TLCD4: variants seen among roughly 807,000 people sequenced by gnomAD.
The protein encoded by TLCD4 is TLC domain-containing protein 4.
A neutral mutation model predicts 24.2 loss-of-function variants in TLCD4; 7 were observed. That is an observed-to-expected ratio of 0.29 (90% confidence interval 0.16 to 0.54). The LOEUF is 0.54. Among genes scored for constraint, TLCD4 ranks in the 20% least tolerant of loss-of-function variants. TLCD4 has a pLI of 0.95. For missense variants in TLCD4, 259 were observed against 313.9 expected (o/e 0.82, Z 1.32); for synonymous variants, 103 against 106.4 (o/e 0.97, Z 0.20).
chr1:95,169,831 C>T (rs1678146560), intron 5 of TLCD4, among the ~76,000 whole-genome samples: 1 of 152,106 alleles, frequency 6.6e-6, no homozygotes, highest in African/African-American at 2.4e-5. Context: ...TACAGGTGTG[C>T]ACCATTGCGC....
the TLCD4 span, among the ~76,000 whole-genome samples, chr1:95,102,975 TA>T: frequency 6.5e-5 from 9 of 137,430 alleles, no homozygotes; most frequent in African/African-American, 1.5e-4. Context: ...AACTACTTTT[TA>T]AAAAAAAAAT....
At chr1:95,118,796 A>C (rs1325383141) in intron 1 of TLCD4, among the ~76,000 whole-genome samples, 1 of 152,200 alleles carries the variant, frequency 6.6e-6, no homozygotes, top group Non-Finnish European at 1.5e-5. Context: ...TTTTCCTTAA[A>C]TTGGGCGAAA....
Position 95,196,817 on chromosome 1 carries a change from A to T in TLCD4, c.*4949A>T, listed in dbSNP as rs1679219416. The T allele has an allele frequency of 6.6e-6, 1 of 152,220 alleles. No homozygotes were observed. The allele number at this position is 152,220 out of a possible 1,614,324, so 9.4% of individuals were successfully genotyped here. ...TGCTACTTAACAAGCCTAAAGGTAT[A>T]GCTGTATATAGAATGTGCTCTGTGT... On this transcript the variant is annotated 3_prime_UTR_variant, in exon 7 of 7. Coordinates refer to ENST00000370203, the MANE Select transcript of TLCD4 (RefSeq NM_152487.3).
At chr1:95,175,491 G>A (rs991141775) in intron 6 of TLCD4, among the ~76,000 whole-genome samples, 8 of 152,200 alleles carry the variant, frequency 5.3e-5, no homozygotes, top group African/African-American at 1.9e-4. Flanking sequence ...ATGCTGAAAT[G>A]GACATGGGCA....
At chr1:95,157,084 A>G (rs1028547835) in intron 5 of TLCD4, among the ~76,000 whole-genome samples, 2 of 152,140 alleles carry the variant, frequency 1.3e-5, no homozygotes, top group African/African-American at 4.8e-5. Flanking sequence ...AGCTGAGATA[A>G]ATAATGTTTT....
At chr1:95,172,286 G>A (rs1678256998) in intron 5 of TLCD4, among the ~76,000 whole-genome samples, 1 of 152,172 alleles carries the variant, frequency 6.6e-6, no homozygotes, top group Middle Eastern at 3.2e-3. Flanking sequence ...AGACAGGCAA[G>A]CACATCTAAA....
At chr1:95,164,323 G>T (rs907803029) in intron 5 of TLCD4, 3 of 152,506 alleles carry the variant, frequency 2.0e-5, no homozygotes, top group Non-Finnish European at 2.9e-5. Context: ...TAATCTCCTG[G>T]TGTGCTGTTT....
chr1:95,173,818 A>G lies in TLCD4; in HGVS notation c.402A>G (p.Lys134=). 1 of 1,614,110 alleles carries G rather than the reference A, an allele frequency of 6.2e-7. No individual in the cohort carries two copies. The highest frequency in any genetic ancestry group is 8.5e-7 in the Non-Finnish European group (1 of 1,180,022). The stretch of plus-strand genomic sequence containing the variant: ...TGTGTTTTATGTTTATCATTCAGAA[A>G]AATGGAGTGCTGGCATACATTGGGA... ...ASLYAYYLVL[K]NGVLAYIGNF... The change falls in exon 6 of 7, where the codon AAA becomes AAG. Residue 134 remains lysine, a splice_region_variant and synonymous_variant. Coordinates refer to ENST00000370203, the MANE Select transcript of TLCD4 (RefSeq NM_152487.3).
chr1:95,167,708 A>G (rs561991109), intron 5 of TLCD4, among the ~76,000 whole-genome samples: 76 of 152,318 alleles, frequency 5.0e-4, no homozygotes, highest in Non-Finnish European at 9.8e-4. Flanking sequence ...TTGCTCTCCC[A>G]GGATCGATTG....
intron 6 of TLCD4, among the ~76,000 whole-genome samples, chr1:95,186,827 CTACA>C (rs1678845880): frequency 6.6e-6 from 1 of 152,100 alleles, no homozygotes; most frequent in African/African-American, 2.4e-5. Flanking sequence ...CCCTTTTATC[CTACA>C]TAAACTTATA....
At chr1:95,128,134 T>G (rs1420766068) in intron 1 of TLCD4, among the ~76,000 whole-genome samples, 1 of 152,044 alleles carries the variant, frequency 6.6e-6, no homozygotes, top group African/African-American at 2.4e-5. Context: ...GGGAGCAACA[T>G]TTGTCACGTA....
At chr1:95,096,096 A>G in the TLCD4 span, among the ~76,000 whole-genome samples, 2 of 152,246 alleles carry the variant, frequency 1.3e-5, no homozygotes, top group African/African-American at 2.4e-5. Context: ...CAGAAGGTAC[A>G]CTAACAGCAG....
chr1:95,142,620 T>A (rs1167025875), intron 1 of TLCD4, among the ~76,000 whole-genome samples: 1 of 152,106 alleles, frequency 6.6e-6, no homozygotes, highest in Non-Finnish European at 1.5e-5. Flanking sequence ...GGTTTCCCAT[T>A]GGCCACTTGT....
intron 1 of TLCD4, among the ~76,000 whole-genome samples, chr1:95,121,845 A>G (rs1676581083): frequency 6.6e-6 from 1 of 152,250 alleles, no homozygotes; most frequent in South Asian, 2.1e-4. Context: ...TCTGTGATCA[A>G]ATTCCAATCA....
intron 6 of TLCD4, among the ~76,000 whole-genome samples, chr1:95,184,517 G>A (rs912695629): frequency 1.3e-5 from 2 of 152,136 alleles, no homozygotes; most frequent in Non-Finnish European, 2.9e-5. Context: ...TAATGGGAAG[G>A]TTCAAGTTCC....
chr1:95,169,046 A>G (rs10782999), intron 5 of TLCD4, among the ~76,000 whole-genome samples: 92,380 of 151,966 alleles, frequency 0.61, 28,864 homozygotes, highest in East Asian at 0.8. Flanking sequence ...TGCTCAGCGC[A>G]GTTTCTGAGA....
intron 1 of TLCD4, among the ~76,000 whole-genome samples, chr1:95,143,154 C>T (rs1677252347): frequency 6.6e-6 from 1 of 152,044 alleles, no homozygotes; most frequent in African/African-American, 2.4e-5. Flanking sequence ...TTTCCATTTG[C>T]CACTCAGAAA....
the TLCD4 span, among the ~76,000 whole-genome samples, chr1:95,100,651 C>T: frequency 6.6e-6 from 1 of 152,084 alleles, no homozygotes; most frequent in African/African-American, 2.4e-5. Flanking sequence ...TCATCTGATT[C>T]CTGCCTTTAA....
At chr1:95,102,277 C>T in the TLCD4 span, among the ~76,000 whole-genome samples, 1 of 152,132 alleles carries the variant, frequency 6.6e-6, no homozygotes, top group African/African-American at 2.4e-5. Flanking sequence ...GGTATGATGC[C>T]AGGGAGACAT....
Sources: allele counts gnomAD v4.1 joint callset (sites outside exome capture counted in the v4.1 genomes callset), GRCh38; gene constraint gnomAD v4.1.1; transcripts MANE v1.5; gene names NCBI Gene and HGNC (gene_info 2026-07-23, HGNC 2026-07-21).